The following EHBP1 variants were observed in gnomAD, a reference collection of about 807,000 sequenced individuals.
EHBP1 encodes the protein EH domain binding protein 1.
A neutral mutation model predicts 144.0 loss-of-function variants in EHBP1; 55 were observed. That is an observed-to-expected ratio of 0.38 (90% CI 0.31 to 0.48). EHBP1 has a LOEUF of 0.48. Ranked by LOEUF, EHBP1 falls within the 20% of genes least tolerant of loss-of-function variation. The probability of loss-of-function intolerance (pLI) is 0.98; values close to 1 mark genes in which losing one functional copy is unlikely to be tolerated. For missense variants in EHBP1, 1,200 were observed against 1,364.2 expected (o/e 0.88, Z 1.90); for synonymous variants, 469 against 472.7 (o/e 0.99, Z 0.10).
intron 5 of EHBP1, among the ~76,000 whole-genome samples, chr2:62,819,352 T>C (rs1416876504): frequency 6.6e-6 from 1 of 152,216 alleles, no homozygotes; most frequent in Non-Finnish European, 1.5e-5. Context: ...GGTGTACATG[T>C]ACATATCCTA....
intron 4 of EHBP1, among the ~76,000 whole-genome samples, chr2:62,770,666 C>A (rs1489199195): frequency 1.3e-5 from 2 of 152,150 alleles, no homozygotes; most frequent in African/African-American, 4.8e-5. Flanking sequence ...GGTATATACC[C>A]AGAGGACTAT....
chr2:62,821,679 C>CA (rs1446309349), intron 5 of EHBP1, among the ~76,000 whole-genome samples: 1 of 151,886 alleles, frequency 6.6e-6, no homozygotes, highest in Non-Finnish European at 1.5e-5. Context: ...GACCGTGGCT[C>CA]AAAAAAGCAA....
chr2:63,037,820 A>G (rs746985476), intron 20 of EHBP1, among the ~76,000 whole-genome samples, 186 bp downstream of exon 20: 16 of 152,176 alleles, frequency 1.1e-4, no homozygotes, highest in Non-Finnish European at 2.2e-4. Context: ...TAAATGGAAC[A>G]GTAGACACTG....
At chr2:62,932,951 CAA>C (rs1163755712) in intron 10 of EHBP1, among the ~76,000 whole-genome samples, 14 of 46,204 alleles carry the variant, frequency 3.0e-4, no homozygotes, top group African/African-American at 1.0e-3. Context: ...GACTCCATCT[CAA>C]AAAAAAAAAA....
chr2:62,945,221 C>T (rs1387378531), intron 12 of EHBP1, among the ~76,000 whole-genome samples: 1 of 152,196 alleles, frequency 6.6e-6, no homozygotes, highest in East Asian at 1.9e-4. Flanking sequence ...ACATATATTA[C>T]TACTTCCCAA....
At chr2:63,016,709 G>A (rs1359226647) in intron 19 of EHBP1, among the ~76,000 whole-genome samples, 1 of 152,140 alleles carries the variant, frequency 6.6e-6, no homozygotes, top group African/African-American at 2.4e-5. Context: ...GGGATTACAG[G>A]CATGAGCCAT....
chr2:62,881,441 A>G (rs1429943674), intron 10 of EHBP1, among the ~76,000 whole-genome samples: 1 of 146,824 alleles, frequency 6.8e-6, no homozygotes, highest in Non-Finnish European at 1.5e-5. Context: ...AAAAAAAAAG[A>G]AGGAAAGGAA....
At chr2:62,763,298 C>CCT (rs1367456375) in intron 3 of EHBP1, among the ~76,000 whole-genome samples, 1 of 152,092 alleles carries the variant, frequency 6.6e-6, no homozygotes. Flanking sequence ...GTGTTCTCTT[C>CCT]CTACTGTATT....
At chr2:62,933,923 G>T (rs985198803) in intron 10 of EHBP1, among the ~76,000 whole-genome samples, 1 of 152,142 alleles carries the variant, frequency 6.6e-6, no homozygotes, top group African/African-American at 2.4e-5. Context: ...TTTTGTGCGT[G>T]TGTCTAGTAT....
chr2:62,753,966 A>G (rs1341694176), intron 3 of EHBP1, among the ~76,000 whole-genome samples: 4 of 152,114 alleles, frequency 2.6e-5, no homozygotes, highest in Non-Finnish European at 5.9e-5. Flanking sequence ...GAGAAGTTTG[A>G]TCGTCTGAAG....
In EHBP1 at chr2:62,970,463, G is replaced by T. The variant is rs994574624; in HGVS notation, c.2461-8725G>T. ...TAAACACAATTTTACGAAGAGTATGGATACAAACTACATTGTTTGAAATAA... is the reference window on the plus strand; with the variant it reads ...TAAACACAATTTTACGAAGAGTATGTATACAAACTACATTGTTTGAAATAA... On this transcript the variant is annotated intron_variant, in intron 14 of 22. Transcript: ENST00000431489. 2.2e-4 allele frequency among the ~76,000 whole-genome samples: 34 copies of T among 152,024 alleles called. 1 individual carries two copies. Among genetic ancestry groups the T allele is most frequent in the Admixed American group, 2.0e-3 (30 of 15,242 alleles).
intron 8 of EHBP1, among the ~76,000 whole-genome samples, chr2:62,860,268 T>C (rs2152797001): frequency 6.6e-6 from 1 of 152,280 alleles, no homozygotes; most frequent in African/African-American, 2.4e-5. Flanking sequence ...GGCTGGCGGA[T>C]CACCTGAGGT....
chr2:62,737,267 G>A (rs1258633393), intron 2 of EHBP1, among the ~76,000 whole-genome samples: 2 of 152,124 alleles, frequency 1.3e-5, no homozygotes, highest in Admixed American at 1.3e-4. Flanking sequence ...CCCTTTCCTT[G>A]TTGGGATCAT....
intron 10 of EHBP1, among the ~76,000 whole-genome samples, chr2:62,936,402 A>G (rs1393537649): frequency 1.3e-5 from 2 of 152,154 alleles, no homozygotes; most frequent in African/African-American, 4.8e-5. Context: ...AGTCTTTTCA[A>G]AGAAGCAATT....
intron 9 of EHBP1, among the ~76,000 whole-genome samples, 160 bp downstream of exon 9, chr2:62,865,131 T>C (rs555402428): frequency 6.9e-4 from 105 of 152,322 alleles, no homozygotes; most frequent in African/African-American, 2.5e-3. Context: ...TCTTAAACCT[T>C]ATTCTCCCAC....
chr2:62,780,140 A>T (rs2042326462), intron 5 of EHBP1, among the ~76,000 whole-genome samples: 2 of 152,046 alleles, frequency 1.3e-5, no homozygotes, highest in Non-Finnish European at 2.9e-5. Flanking sequence ...TAGGCTGCAC[A>T]TTCAATATTA....
At chr2:62,777,009 C>T (rs1049728365) in intron 5 of EHBP1, among the ~76,000 whole-genome samples, 2 of 152,222 alleles carry the variant, frequency 1.3e-5, no homozygotes, top group East Asian at 1.9e-4. Flanking sequence ...AGGTCTTGCT[C>T]TGTCACCCAG....
At chr2:62,851,835 T>C (rs565449920) in intron 7 of EHBP1, among the ~76,000 whole-genome samples, 11 of 151,838 alleles carry the variant, frequency 7.2e-5, no homozygotes, top group African/African-American at 2.6e-4. Context: ...TAAGGATAAA[T>C]GGTGGAAACT....
At chr2:62,795,971 A>T (rs1462891467) in intron 5 of EHBP1, among the ~76,000 whole-genome samples, 1 of 151,842 alleles carries the variant, frequency 6.6e-6, no homozygotes, top group African/African-American at 2.4e-5. Context: ...GAAATAATAA[A>T]TTTTGTAATG....
Sources: gnomAD v4.1 joint callset for allele counts (sites outside exome capture counted in the v4.1 genomes callset) on GRCh38, gnomAD v4.1.1 for gene constraint, MANE v1.5 for transcripts, NCBI Gene and HGNC (gene_info 2026-07-23, HGNC 2026-07-21) for gene names.